GSE1: variants seen among roughly 807,000 people sequenced by gnomAD.
GSE1 encodes the protein Gse1 coiled-coil protein, also known as genetic suppressor element 1.
A neutral mutation model predicts 112.6 loss-of-function variants in GSE1; 32 were observed. The ratio of observed to expected loss-of-function variants is 0.28; its 90% CI spans 0.21 to 0.38. GSE1 has a LOEUF of 0.38. GSE1 is among the 10% of genes least tolerant of loss of function. The probability of loss-of-function intolerance (pLI) is 1.00; values close to 1 mark genes in which losing one functional copy is unlikely to be tolerated. For missense variants in GSE1, 2,348 were observed against 1,699.2 expected (o/e 1.38, Z -6.71); for synonymous variants, 1,115 against 735.6 (o/e 1.52, Z -8.35).
chr16:85,454,370 C>A (rs1367245919), intron 2 of GSE1, among the ~76,000 whole-genome samples: 1 of 152,220 alleles, frequency 6.6e-6, no homozygotes, highest in Non-Finnish European at 1.5e-5. Context: ...GAGCGGCCAG[C>A]AGATGGCTCC....
At chr16:85,578,424 C>T (rs1390553405) in intron 1 of GSE1, among the ~76,000 whole-genome samples, 1 of 152,240 alleles carries the variant, frequency 6.6e-6, no homozygotes, top group Non-Finnish European at 1.5e-5. Flanking sequence ...GTTCCCATTT[C>T]ACATGTGGGG....
At chr16:85,498,595 A>G (rs1027998051) in intron 2 of GSE1, among the ~76,000 whole-genome samples, 1 of 152,070 alleles carries the variant, frequency 6.6e-6, no homozygotes, top group African/African-American at 2.4e-5. Context: ...ATATAAACAC[A>G]TGTGTATATA....
chr16:85,648,977 A>T (rs2051110519), intron 3 of GSE1, among the ~76,000 whole-genome samples: 1 of 152,120 alleles, frequency 6.6e-6, no homozygotes, highest in Non-Finnish European at 1.5e-5. Flanking sequence ...TGTCAGAAGA[A>T]ACCACCCGCT....
chr16:85,471,971 A>G (rs922086356), intron 2 of GSE1, among the ~76,000 whole-genome samples: 1 of 152,226 alleles, frequency 6.6e-6, no homozygotes, highest in Admixed American at 6.5e-5. Flanking sequence ...AGGCACCGTA[A>G]GACCGTTGAG....
intron 1 of GSE1, chr16:85,184,994 GTC>G (rs772797696): frequency 1.3e-5 from 2 of 152,182 alleles, no homozygotes; most frequent in Non-Finnish European, 2.9e-5. Flanking sequence ...TTTTGTGTGT[GTC>G]TATCAGTTGC....
intron 1 of GSE1, among the ~76,000 whole-genome samples, chr16:85,248,999 C>T (rs1030742470): frequency 6.6e-6 from 1 of 152,172 alleles, no homozygotes; most frequent in Non-Finnish European, 1.5e-5. Flanking sequence ...GCGGGGGAGA[C>T]ACAGACACAG....
At chr16:85,634,378 G>A (rs2049811275) in intron 2 of GSE1, among the ~76,000 whole-genome samples, 1 of 152,286 alleles carries the variant, frequency 6.6e-6, no homozygotes, top group South Asian at 2.1e-4. Flanking sequence ...CGGAGCCACT[G>A]CAGGGGTGTC....
chr16:85,623,839 G>A (rs1011670086), intron 1 of GSE1, among the ~76,000 whole-genome samples: 1 of 152,152 alleles, frequency 6.6e-6, no homozygotes, highest in African/African-American at 2.4e-5. Context: ...GCCACTCCTG[G>A]CCCCTGTATG....
At position 85,170,010 on chromosome 16, in the gene GSE1, C is replaced by T. The variant is rs946191832; in HGVS notation, c.486C>T (p.Arg162=). The T allele has an allele frequency of 7.1e-6, 7 of 984,280 alleles. No homozygotes were observed. The African/African-American group carries it at 1.2e-4, about 17-fold the overall frequency. 61.0% of individuals were successfully genotyped at this position (984,280 alleles called of 1,614,324 possible). A position where few individuals can be genotyped will look rare whatever the true frequency, so the allele number is the denominator to read the frequency against. ...ACGACGGTGGCGGCCCCCGGCTGCG[C>T]GGGGCCGCGGAGGAGACGCGAGACT... is the stretch of plus-strand genomic sequence containing the variant. Residue 162 remains arginine, a synonymous_variant, in exon 1 of 3, where the codon CGC becomes CGT. Transcript: ENST00000637419.
chr16:85,387,998 GGA>G (rs553416071), intron 2 of GSE1, among the ~76,000 whole-genome samples: 7,590 of 138,652 alleles, frequency 0.055, 772 homozygotes, highest in African/African-American at 0.2. Flanking sequence ...GTGGGTGGAT[GGA>G]TGGATGGATG....
chr16:85,195,400 G>C (rs148498775), intron 1 of GSE1, among the ~76,000 whole-genome samples: 1,776 of 152,330 alleles, frequency 0.012, 18 homozygotes, highest in Non-Finnish European at 0.019. Flanking sequence ...TGGGACAGGG[G>C]TGGCAGCTGT....
chr16:85,506,956 A>G (rs1408969942), intron 2 of GSE1, among the ~76,000 whole-genome samples: 3 of 152,106 alleles, frequency 2.0e-5, no homozygotes, highest in Non-Finnish European at 2.9e-5. Context: ...CCATAGTTGC[A>G]TGCACGCCAC....
intron 2 of GSE1, among the ~76,000 whole-genome samples, chr16:85,644,333 G>C (rs2050680239): frequency 7.3e-6 from 1 of 137,214 alleles, no homozygotes; most frequent in Admixed American, 7.3e-5. Flanking sequence ...AGCAGAGTGA[G>C]ATCCTGTCTC....
chr16:85,590,286 GTGAC>G (rs768166318), intron 1 of GSE1, among the ~76,000 whole-genome samples: 3 of 150,842 alleles, frequency 2.0e-5, no homozygotes, highest in South Asian at 4.2e-4. Context: ...GTGAACATGT[GTGAC>G]TGTGTGTGTG....
At position 85,673,733 on chromosome 16, in the gene GSE1, C is replaced by CTA. The variant is rs2053522667; in HGVS notation, c.*1196_*1197dup. 6.6e-6 allele frequency: 1 copy of CTA among 152,172 alleles called. No homozygotes were observed. The highest frequency in any genetic ancestry group is 1.5e-5 in the Non-Finnish European group (1 of 68,044). 9.4% of individuals were successfully genotyped at this position (152,172 alleles called of 1,614,324 possible). A position where few individuals can be genotyped will look rare whatever the true frequency, so the allele number is the denominator to read the frequency against. ...AGCTAATAGCAAATATTACCCATTG[C>CTA]TATCAAGGGAGGAGGGGGTAGTCTG... On this transcript the variant is annotated 3_prime_UTR_variant, in exon 16 of 16. Transcript: ENST00000253458.
chr16:85,207,987 G>A (rs1165198709), intron 1 of GSE1: 3 of 152,054 alleles, frequency 2.0e-5, no homozygotes, highest in African/African-American at 7.3e-5. Context: ...CTCACAGGAG[G>A]GTGTCTGATG....
intron 2 of GSE1, among the ~76,000 whole-genome samples, chr16:85,517,566 T>G (rs1213717001): frequency 6.6e-6 from 1 of 151,696 alleles, no homozygotes; most frequent in African/African-American, 2.4e-5. Flanking sequence ...AGTGGCTGCC[T>G]GCTCCCCACC....
chr16:85,192,434 T>C (rs1174324015), intron 1 of GSE1, among the ~76,000 whole-genome samples: 2 of 152,254 alleles, frequency 1.3e-5, no homozygotes, highest in Non-Finnish European at 1.5e-5. Flanking sequence ...AGCATTGTTA[T>C]ATGGCCTCAC....
At chr16:85,538,155 G>A (rs962656673) in intron 2 of GSE1, among the ~76,000 whole-genome samples, 12 of 152,200 alleles carry the variant, frequency 7.9e-5, no homozygotes, top group African/African-American at 2.7e-4. Flanking sequence ...CACGCTGGCC[G>A]TTCTGAGCCG....
Sources: gnomAD v4.1 joint callset for allele counts (sites outside exome capture counted in the v4.1 genomes callset) on GRCh38, gnomAD v4.1.1 for gene constraint, MANE v1.5 for transcripts, NCBI Gene and HGNC (gene_info 2026-07-23, HGNC 2026-07-21) for gene names.